Variants in MGRN1 observed in about 807,000 individuals in gnomAD.
MGRN1 encodes mahogunin ring finger 1.
In MGRN1, 29 loss-of-function variants were observed where a neutral mutation model predicts 69.2. The observed-to-expected ratio is 0.42, with a 90% CI of 0.31 to 0.57. The LOEUF is 0.57. Among genes scored for constraint, MGRN1 ranks in the 20% least tolerant of loss-of-function variants. The pLI, the probability that MGRN1 is intolerant of heterozygous loss-of-function variation, is 0.15. For synonymous variants in MGRN1, 470 were observed against 344.2 expected, an observed-to-expected ratio of 1.37 and a Z score of -4.04; for missense variants, 998 against 796.2, an observed-to-expected ratio of 1.25 and a Z score of -3.05.
rs532263229 is a variant in MGRN1 at position 4,654,578 on chromosome 16, G to C, written c.443+1754G>C. ...CCGCTCAGTGGTCAGCTTTGCATCT[G>C]GGGATAGGGTGTGGTTGAGAGCCTA... On this transcript the variant is annotated intron_variant, in intron 4 of 16. Transcript: ENST00000262370. Among the ~76,000 whole-genome samples the C allele has an allele frequency of 7.2e-5, 11 of 152,358 alleles. No homozygotes were observed. In the East Asian group the frequency reaches 1.9e-3, roughly 27 times the overall value.
intron 1 of MGRN1, among the ~76,000 whole-genome samples, chr16:4,636,067 G>T (rs2141836228): frequency 6.6e-6 from 1 of 152,026 alleles, no homozygotes; most frequent in Non-Finnish European, 1.5e-5. Context: ...CTCTGCAAGT[G>T]CTGGGATTAC....
intron 1 of MGRN1, among the ~76,000 whole-genome samples, chr16:4,642,788 ATTT>A (rs79535290): frequency 7.1e-6 from 1 of 140,164 alleles, no homozygotes; most frequent in African/African-American, 2.6e-5. Flanking sequence ...TAACGCTTGA[ATTT>A]TTTTTTTTTT....
chr16:4,680,224 C>G, intron 12 of MGRN1, 127 bp downstream of exon 12: 1 of 933,446 alleles, frequency 1.1e-6, no homozygotes, highest in Non-Finnish European at 1.6e-6. Flanking sequence ...GCTCCACTTG[C>G]CCAGTCCCGG....
At chr16:4,684,231 G>A (rs909881470) in intron 16 of MGRN1, among the ~76,000 whole-genome samples, 2 of 152,256 alleles carry the variant, frequency 1.3e-5, no homozygotes, top group African/African-American at 4.8e-5. Flanking sequence ...GAGGCTGCCT[G>A]TGAGAGGATG....
chr16:4,650,245 G>T, intron 1 of MGRN1, 120 bp from the exon 2 acceptor site: 1 of 709,818 alleles, frequency 1.4e-6, no homozygotes, highest in Admixed American at 2.9e-5. Context: ...GGAGCTTGCA[G>T]TGAGCTGAGA....
At chr16:4,662,837 G>A (rs1204940581) in intron 5 of MGRN1, among the ~76,000 whole-genome samples, 3 of 152,200 alleles carry the variant, frequency 2.0e-5, no homozygotes, top group Admixed American at 6.5e-5. Context: ...GTTCAGGGGC[G>A]GGTGCTTGGC....
chr16:4,670,920 G>C (rs147068184), intron 8 of MGRN1, among the ~76,000 whole-genome samples: 1 of 152,350 alleles, frequency 6.6e-6, no homozygotes, highest in African/African-American at 2.4e-5. Flanking sequence ...CTTTTTGGTT[G>C]CAAGTGGGTG....
chr16:4,639,855 T>A (rs1463650473), intron 1 of MGRN1: 2 of 152,190 alleles, frequency 1.3e-5, no homozygotes, highest in Non-Finnish European at 2.9e-5. Flanking sequence ...ACTGTGAGCG[T>A]GGAGTTCAGG....
At chr16:4,660,024 A>AGGAG (rs1567204464) in intron 5 of MGRN1, among the ~76,000 whole-genome samples, 1 of 152,188 alleles carries the variant, frequency 6.6e-6, no homozygotes, top group Non-Finnish European at 1.5e-5. Flanking sequence ...GACCTGGAGT[A>AGGAG]GGAGGGAGAC....
intron 5 of MGRN1, among the ~76,000 whole-genome samples, chr16:4,658,624 T>G (rs911843788): frequency 6.6e-6 from 1 of 151,978 alleles, no homozygotes; most frequent in African/African-American, 2.4e-5. Context: ...GCAGGCCTCA[T>G]GAGCTGACTT....
chr16:4,658,645 C>CA (rs2078607537), intron 5 of MGRN1, among the ~76,000 whole-genome samples: 2 of 152,006 alleles, frequency 1.3e-5, no homozygotes, highest in African/African-American at 4.8e-5. Context: ...ACGCTGGGGC[C>CA]AGTCCTGTGG....
At position 4,625,023 on chromosome 16, in the gene MGRN1, G is replaced by A. The variant is rs774488263; in HGVS notation, c.63G>A (p.Ser21=). 6 of 1,555,874 alleles carry A rather than the reference G, an allele frequency of 3.9e-6. No individual in the cohort carries two copies. In the South Asian group the frequency reaches 5.9e-5, roughly 15 times the overall value. Residue 21 remains serine, a synonymous_variant, in exon 1 of 17, where the codon TCG becomes TCA. Transcript: ENST00000262370. ...GVEDIDIQAN[S]AYRYPPKSGN... ...AGGACATCGACATCCAGGCGAACTC[G>A]GCCTATCGCTACCCTCCGAAGTCCG...
intron 1 of MGRN1, among the ~76,000 whole-genome samples, chr16:4,627,560 G>A (rs1897741962): frequency 6.6e-6 from 1 of 152,202 alleles, no homozygotes; most frequent in Non-Finnish European, 1.5e-5. Context: ...GGCCAAGGCG[G>A]GCGGATCACA....
intron 5 of MGRN1, among the ~76,000 whole-genome samples, chr16:4,663,301 T>C (rs1596296804): frequency 6.7e-6 from 1 of 150,228 alleles, no homozygotes. Flanking sequence ...TGACCTCAGG[T>C]GATCCGCCAC....
In MGRN1 at chr16:4,673,506, C is replaced by T. The variant is rs367598108; in HGVS notation, c.804C>T (p.Asp268=). Residue 268 remains aspartate, a synonymous_variant, in exon 10 of 17, where the codon GAC becomes GAT. Transcript: ENST00000262370. Reference sequence around the variant, plus strand: ...AGCCCTTGTCCCGGCAGCCCTCGGACGACGAGAACAGCGACAACAGCAACG... The same window carrying T: ...AGCCCTTGTCCCGGCAGCCCTCGGATGACGAGAACAGCGACAACAGCAACG... ...NKNNQETKPS[D]DENSDNSNEC... is the part of the protein sequence containing the mutation. The T allele has an allele frequency of 2.8e-5, 45 of 1,612,468 alleles. No homozygotes were observed. Among genetic ancestry groups the T allele is most frequent in the Middle Eastern group, 3.3e-4 (2 of 6,076 alleles).
chr16:4,672,503 C>G (rs1026370235), intron 9 of MGRN1: 2 of 456,414 alleles, frequency 4.4e-6, no homozygotes, highest in Non-Finnish European at 8.8e-6. Flanking sequence ...CGGGCCTCGC[C>G]TCAACCCAGG....
At chr16:4,643,849 C>T (rs747279528) in intron 1 of MGRN1, among the ~76,000 whole-genome samples, 6 of 152,030 alleles carry the variant, frequency 3.9e-5, no homozygotes, top group African/African-American at 9.7e-5. Flanking sequence ...AGAAGAAATA[C>T]GAAAAAACAT....
At chr16:4,632,681 AC>A (rs1898070998) in intron 1 of MGRN1, among the ~76,000 whole-genome samples, 2 of 152,288 alleles carry the variant, frequency 1.3e-5, no homozygotes, top group South Asian at 2.1e-4. Flanking sequence ...GGCATGAGCC[AC>A]CGTGCCGGGA....
At chr16:4,661,250 A>T (rs964314978) in intron 5 of MGRN1, among the ~76,000 whole-genome samples, 3 of 151,182 alleles carry the variant, frequency 2.0e-5, no homozygotes, top group Non-Finnish European at 4.4e-5. Flanking sequence ...GAGTGTTGGG[A>T]TTATAGGCGT....
Sources: gnomAD v4.1 joint callset for allele counts (sites outside exome capture counted in the v4.1 genomes callset) on GRCh38, gnomAD v4.1.1 for gene constraint, MANE v1.5 for transcripts, NCBI Gene and HGNC (gene_info 2026-07-23, HGNC 2026-07-21) for gene names.